The following DLG2 variants were observed in gnomAD, a reference collection of about 807,000 sequenced individuals.
The protein encoded by DLG2 is discs large MAGUK scaffold protein 2, also known as disks large homolog 2.
DLG2 carries 45 observed loss-of-function variants against 132.5 expected under a neutral mutation model. The observed-to-expected ratio is 0.34, with a 90% CI of 0.27 to 0.44. The LOEUF is 0.44. Among genes scored for constraint, DLG2 ranks in the 20% least tolerant of loss-of-function variants. The probability of loss-of-function intolerance (pLI) is 1.00; values close to 1 mark genes in which losing one functional copy is unlikely to be tolerated. For missense variants in DLG2, 1,045 were observed against 1,196.9 expected (o/e 0.87, Z 1.87); for synonymous variants, 424 against 419.6 (o/e 1.01, Z -0.13).
chr11:85,499,781 G>T lies in DLG2; in HGVS notation c.40+98876C>A, dbSNP rs1199268390. On this transcript the variant is annotated intron_variant, in intron 3 of 27. Transcript: ENST00000376104. ...GTCTGCTTCATCCCTGGGGTGAAAG[G>T]CTAGTTCAACATATGCAAATCAATA... Among the ~76,000 whole-genome samples, 5 of 152,102 alleles carry T rather than the reference G, an allele frequency of 3.3e-5. No homozygotes were observed. The East Asian group carries it at 9.6e-4, about 29-fold the overall frequency.
In DLG2 at chr11:84,813,137, T is replaced by C. The variant is rs2076745553; in HGVS notation, c.358-278406A>G. Among the ~76,000 whole-genome samples, 3 of 152,092 alleles carry C rather than the reference T, an allele frequency of 2.0e-5. No homozygotes were observed. In the South Asian group the frequency reaches 6.2e-4, roughly 31 times the overall value. ...AACAGGATTCCAGAAACTCCATTCA[T>C]TTATTGTAGGTTTAATCTTTTTACA... is the stretch of plus-strand genomic sequence containing the variant. On this transcript the variant is annotated intron_variant, in intron 6 of 27. Transcript: ENST00000376104.
intron 4 of DLG2, among the ~76,000 whole-genome samples, chr11:85,244,887 T>G (rs917091549): frequency 6.6e-6 from 1 of 151,946 alleles, no homozygotes; most frequent in Admixed American, 6.6e-5. Flanking sequence ...CATGGGACAA[T>G]TTCTCATTTA....
At chr11:84,560,740 T>C (rs560836649) in intron 6 of DLG2, among the ~76,000 whole-genome samples, 147 of 152,148 alleles carry the variant, frequency 9.7e-4, no homozygotes, top group Non-Finnish European at 1.4e-3. Context: ...AATGGAGAGT[T>C]GAGGCAAGAA....
At chr11:83,909,631 T>C (rs1345616562) in intron 15 of DLG2, among the ~76,000 whole-genome samples, 10 of 152,336 alleles carry the variant, frequency 6.6e-5, no homozygotes, top group African/African-American at 1.9e-4. Flanking sequence ...AAATTACTGA[T>C]GTCCATTTCA....
intron 11 of DLG2, among the ~76,000 whole-genome samples, chr11:84,019,210 C>G (rs2095313712): frequency 6.6e-6 from 1 of 151,966 alleles, no homozygotes; most frequent in Non-Finnish European, 1.5e-5. Context: ...TCAGTATTCT[C>G]TATGTGTGCA....
chr11:84,328,862 ATCT>A (rs1037885225), intron 7 of DLG2, among the ~76,000 whole-genome samples: 55 of 152,302 alleles, frequency 3.6e-4, no homozygotes, highest in African/African-American at 1.2e-3. Flanking sequence ...TTAATTAACC[ATCT>A]TCTCCTCTGG....
chr11:83,694,843 G>A (rs2081602159), intron 18 of DLG2, among the ~76,000 whole-genome samples: 1 of 152,214 alleles, frequency 6.6e-6, no homozygotes, highest in African/African-American at 2.4e-5. Context: ...ATCGGAATGT[G>A]GCACAAGTTC....
In DLG2 at chr11:85,111,742, A is replaced by G. The variant is rs1012627933; in HGVS notation, c.283-7T>C. The G allele has an allele frequency of 1.2e-5, 18 of 1,548,816 alleles. No individual in the cohort carries two copies. Among genetic ancestry groups the G allele is most frequent in the Admixed American group, 2.0e-5 (1 of 51,036 alleles). ...GGCATCTGCCTTGGTTTTGCTGCAA[A>G]TAAGTAAAAATTATATTATATTCTA... is the stretch of plus-strand genomic sequence containing the variant. On this transcript the variant is annotated splice_region_variant and splice_polypyrimidine_tract_variant and intron_variant, in intron 5 of 27. Coordinates refer to ENST00000376104, the MANE Select transcript of DLG2 (RefSeq NM_001142699.3).
At chr11:84,497,286 G>T (rs2099187266) in intron 7 of DLG2, among the ~76,000 whole-genome samples, 1 of 152,100 alleles carries the variant, frequency 6.6e-6, no homozygotes, top group Admixed American at 6.6e-5. Context: ...AGGTTGTTAA[G>T]ACATTAAATA....
intron 7 of DLG2, among the ~76,000 whole-genome samples, chr11:84,474,903 G>T (rs550085727): frequency 1.3e-5 from 2 of 152,044 alleles, no homozygotes; most frequent in Admixed American, 6.6e-5. Context: ...ATTGAAAAAT[G>T]CTTTTGTCTA....
At chr11:84,422,741 A>G (rs1227593704) in intron 7 of DLG2, among the ~76,000 whole-genome samples, 1 of 152,212 alleles carries the variant, frequency 6.6e-6, no homozygotes, top group Non-Finnish European at 1.5e-5. Flanking sequence ...TAGTTATATT[A>G]CAATACCTTG....
intron 7 of DLG2, among the ~76,000 whole-genome samples, chr11:84,308,673 G>A (rs905247767): frequency 2.6e-5 from 4 of 152,106 alleles, no homozygotes; most frequent in African/African-American, 9.7e-5. Context: ...ATGGTCCCGA[G>A]CCCTGCCCCG....
At chr11:83,560,639 C>T (rs1412027562) in intron 19 of DLG2, among the ~76,000 whole-genome samples, 1 of 152,100 alleles carries the variant, frequency 6.6e-6, no homozygotes, top group Non-Finnish European at 1.5e-5. Context: ...CAGGCTACTC[C>T]CAAGACAGAG....
At chr11:84,285,580 T>C (rs1184793749) in intron 7 of DLG2, among the ~76,000 whole-genome samples, 1 of 152,204 alleles carries the variant, frequency 6.6e-6, no homozygotes, top group South Asian at 2.1e-4. Flanking sequence ...ACCAGATCCC[T>C]GTCCTCTATT....
chr11:85,437,689 T>C (rs1346955879), intron 3 of DLG2, among the ~76,000 whole-genome samples: 1 of 152,170 alleles, frequency 6.6e-6, no homozygotes, highest in Admixed American at 6.5e-5. Flanking sequence ...AATAAATCAT[T>C]TGTTTTTTAA....
intron 6 of DLG2, among the ~76,000 whole-genome samples, chr11:84,694,361 T>C (rs566689745): frequency 6.6e-6 from 1 of 151,764 alleles, no homozygotes; most frequent in South Asian, 2.1e-4. Flanking sequence ...ACAATCTTAG[T>C]AATTTGAGAA....
intron 7 of DLG2, among the ~76,000 whole-genome samples, chr11:84,276,794 T>C (rs188392812): frequency 1.3e-5 from 2 of 152,334 alleles, no homozygotes; most frequent in Admixed American, 1.3e-4. Flanking sequence ...TGCTGGTGAA[T>C]GGTTTAAATT....
At chr11:83,639,105 C>G (rs565284080) in intron 18 of DLG2, among the ~76,000 whole-genome samples, 1 of 152,166 alleles carries the variant, frequency 6.6e-6, no homozygotes, top group Non-Finnish European at 1.5e-5. Context: ...CTCATGTCTT[C>G]GAGACTCAGG....
chr11:85,091,351 C>T (rs1479147351), intron 6 of DLG2, among the ~76,000 whole-genome samples: 1 of 152,186 alleles, frequency 6.6e-6, no homozygotes, highest in Non-Finnish European at 1.5e-5. Flanking sequence ...TGAGTCACGA[C>T]CTTTTTGCTA....
Sources: gnomAD v4.1 joint callset for allele counts (sites outside exome capture counted in the v4.1 genomes callset) on GRCh38, gnomAD v4.1.1 for gene constraint, MANE v1.5 for transcripts, NCBI Gene and HGNC (gene_info 2026-07-23, HGNC 2026-07-21) for gene names.